Variants in SLC4A10 observed in about 807,000 individuals in gnomAD.
SLC4A10 encodes the protein solute carrier family 4 member 10.
SLC4A10 carries 42 observed loss-of-function variants against 137.7 expected under a neutral mutation model. The ratio of observed to expected loss-of-function variants is 0.30; its 90% CI spans 0.24 to 0.39. SLC4A10 has a LOEUF of 0.39. SLC4A10 is among the 10% of genes least tolerant of loss of function. The pLI, the probability that SLC4A10 is intolerant of heterozygous loss-of-function variation, is 1.00. For missense variants in SLC4A10, 925 were observed against 1,355.0 expected (o/e 0.68, Z 4.98); for synonymous variants, 474 against 464.1 (o/e 1.02, Z -0.27).
chr2:161,712,257 G>A (rs552614320), intron 1 of SLC4A10, among the ~76,000 whole-genome samples: 58 of 151,898 alleles, frequency 3.8e-4, no homozygotes, highest in African/African-American at 1.3e-3. Context: ...AGAATTCTAT[G>A]TGTGCAGATT....
chr2:161,630,220 C>T (rs769660729), intron 1 of SLC4A10, among the ~76,000 whole-genome samples: 6 of 151,676 alleles, frequency 4.0e-5, no homozygotes, highest in Non-Finnish European at 7.4e-5. Flanking sequence ...TATACGTTGT[C>T]GGATTGATTC....
At position 161,980,018 on chromosome 2, in the gene SLC4A10, T is replaced by C. The variant is rs192281369; in HGVS notation, c.*26+2258T>C. Among the ~76,000 whole-genome samples the C allele has an allele frequency of 1.7e-3, 263 of 152,368 alleles. 1 individual carries two copies. The highest frequency in any genetic ancestry group is 3.4e-3 in the Middle Eastern group (1 of 294). ...GGAGGATGTCTAATTTTGATCCTGA[T>C]GTCATACATGCATGTGACAAGAGCC... On this transcript the variant is annotated intron_variant, in intron 26 of 26. Transcript: ENST00000446997.
chr2:161,821,779 A>G (rs1327856451), intron 3 of SLC4A10, among the ~76,000 whole-genome samples: 5 of 152,252 alleles, frequency 3.3e-5, no homozygotes, highest in Non-Finnish European at 7.3e-5. Flanking sequence ...GTATTGAAAC[A>G]TAATCTTAAT....
intron 23 of SLC4A10, among the ~76,000 whole-genome samples, chr2:161,967,010 G>T (rs1013955861): frequency 6.6e-6 from 1 of 152,184 alleles, no homozygotes; most frequent in African/African-American, 2.4e-5. Context: ...GCTCTTGGCT[G>T]TGAGCTTGCC....
intron 4 of SLC4A10, among the ~76,000 whole-genome samples, chr2:161,849,985 G>A (rs1436000649): frequency 6.6e-6 from 1 of 151,482 alleles, no homozygotes; most frequent in Admixed American, 6.6e-5. Context: ...TACACATCTG[G>A]TAGAATTTGG....
intron 1 of SLC4A10, among the ~76,000 whole-genome samples, chr2:161,732,640 G>A (rs2046934434): frequency 6.6e-6 from 1 of 152,186 alleles, no homozygotes; most frequent in African/African-American, 2.4e-5. Flanking sequence ...GAAAGCAGGA[G>A]TGAGCTCAAA....
chr2:161,681,191 T>C (rs2040814218), intron 1 of SLC4A10, among the ~76,000 whole-genome samples: 1 of 152,186 alleles, frequency 6.6e-6, no homozygotes, highest in Admixed American at 6.6e-5. Context: ...TAGTGGACTC[T>C]CAATCTTCCT....
chr2:161,928,833 G>A (rs990344094), intron 15 of SLC4A10, among the ~76,000 whole-genome samples: 8 of 151,856 alleles, frequency 5.3e-5, no homozygotes, highest in South Asian at 2.1e-4. Context: ...CTGTATGCAC[G>A]CCATACCTAT....
Position 161,936,104 on chromosome 2 carries a change from T to C in SLC4A10, c.1998-6688T>C, listed in dbSNP as rs559097133. Reference sequence around the variant, plus strand: ...TATCACATTTATAGATTCGTAAATGTTGAATCATCCTTGCATCTTTGGGAT... The same window carrying C: ...TATCACATTTATAGATTCGTAAATGCTGAATCATCCTTGCATCTTTGGGAT... On this transcript the variant is annotated intron_variant, in intron 15 of 26. Transcript: ENST00000446997. Among the ~76,000 whole-genome samples, 72 of 152,322 alleles carry C rather than the reference T, an allele frequency of 4.7e-4. 1 individual carries two copies. Among genetic ancestry groups the C allele is most frequent in the Non-Finnish European group, 5.9e-5 (4 of 68,008 alleles).
At chr2:161,838,589 G>A (rs992922034) in intron 3 of SLC4A10, among the ~76,000 whole-genome samples, 25 of 152,156 alleles carry the variant, frequency 1.6e-4, no homozygotes, top group Non-Finnish European at 2.5e-4. Context: ...TTCAAAAAAT[G>A]TCGTGTATCC....
chr2:161,718,224 T>A (rs1236922666), intron 1 of SLC4A10, among the ~76,000 whole-genome samples: 1 of 152,176 alleles, frequency 6.6e-6, no homozygotes, highest in Non-Finnish European at 1.5e-5. Context: ...AGCTATTTTA[T>A]TAATTTTTTA....
At position 161,957,257 on chromosome 2, in the gene SLC4A10, T is replaced by G; in HGVS notation, c.2793+17T>G. ...ATTCTGAAGGTAACAAAATCTGTCT[T>G]TATGAACTTGAGAGAAAGAATACAT... On this transcript the variant is annotated intron_variant, in intron 20 of 26. Transcript: ENST00000446997. The G allele has an allele frequency of 6.2e-7, 1 of 1,603,950 alleles. No individual in the cohort carries two copies.
intron 2 of SLC4A10, among the ~76,000 whole-genome samples, chr2:161,782,147 G>T (rs973826447): frequency 6.6e-6 from 1 of 152,036 alleles, no homozygotes; most frequent in South Asian, 2.1e-4. Context: ...CCACCTTTCA[G>T]CTTCTCCCTG....
intron 5 of SLC4A10, among the ~76,000 whole-genome samples, chr2:161,861,990 G>A (rs1237269912): frequency 6.6e-6 from 1 of 152,212 alleles, no homozygotes; most frequent in Non-Finnish European, 1.5e-5. Flanking sequence ...TACATAAGAT[G>A]TTAATGCCTA....
chr2:161,982,789 G>A (rs1047643200), intron 26 of SLC4A10, among the ~76,000 whole-genome samples: 4 of 152,156 alleles, frequency 2.6e-5, no homozygotes, highest in Non-Finnish European at 4.4e-5. Context: ...TGCCTCCTGC[G>A]ACATCTTGTT....
At chr2:161,652,854 C>T (rs1023754265) in intron 1 of SLC4A10, among the ~76,000 whole-genome samples, 1 of 33,322 alleles carries the variant, frequency 3.0e-5, no homozygotes, top group South Asian at 1.2e-3. Context: ...AATATACATT[C>T]TTTTCTTTTA....
chr2:161,698,256 G>T (rs1325609059), intron 1 of SLC4A10, among the ~76,000 whole-genome samples: 3 of 152,130 alleles, frequency 2.0e-5, no homozygotes, highest in African/African-American at 7.2e-5. Flanking sequence ...TCTGCAAACA[G>T]GACAATTTGA....
At chr2:161,831,892 A>G (rs1234811135) in intron 3 of SLC4A10, among the ~76,000 whole-genome samples, 5 of 152,104 alleles carry the variant, frequency 3.3e-5, no homozygotes, top group Admixed American at 2.6e-4. Flanking sequence ...TTGGGAGACA[A>G]ATCTCCATGT....
chr2:161,801,491 G>A (rs1234071138), intron 2 of SLC4A10, among the ~76,000 whole-genome samples: 1 of 152,028 alleles, frequency 6.6e-6, no homozygotes, highest in Non-Finnish European at 1.5e-5. Flanking sequence ...CATCACACAG[G>A]TAGTACTAAT....
Sources: gnomAD v4.1 joint callset for allele counts (sites outside exome capture counted in the v4.1 genomes callset) on GRCh38, gnomAD v4.1.1 for gene constraint, MANE v1.5 for transcripts, NCBI Gene and HGNC (gene_info 2026-07-23, HGNC 2026-07-21) for gene names.